PPP4R1: variants seen among roughly 807,000 people sequenced by gnomAD.
PPP4R1 encodes the protein protein phosphatase 4 regulatory subunit 1, also known as serine/threonine-protein phosphatase 4 regulatory subunit 1.
Under a neutral mutation model 111.2 loss-of-function variants are expected in PPP4R1, and 42 were observed. The observed-to-expected ratio is 0.38, with a 90% CI of 0.29 to 0.49. PPP4R1 has a LOEUF of 0.49. Among genes scored for constraint, PPP4R1 ranks in the 20% least tolerant of loss-of-function variants. The pLI, the probability that PPP4R1 is intolerant of heterozygous loss-of-function variation, is 0.97. For synonymous variants in PPP4R1, 409 were observed against 405.5 expected, an observed-to-expected ratio of 1.01 and a Z score of -0.10; for missense variants, 1,012 against 1,161.6, an observed-to-expected ratio of 0.87 and a Z score of 1.87.
At chr18:9,607,428 G>A (rs774961989) in intron 2 of PPP4R1, among the ~76,000 whole-genome samples, 2 of 151,670 alleles carry the variant, frequency 1.3e-5, no homozygotes, top group Admixed American at 6.6e-5. Flanking sequence ...GAGACATGAT[G>A]GTCCATCTGC....
chr18:9,553,388 T>TA lies in PPP4R1; in HGVS notation c.2224dup (p.Tyr742LeufsTer11), dbSNP rs2066519832. On this transcript the variant is annotated frameshift_variant, in exon 16 of 20. Transcript: ENST00000400556. LOFTEE classifies it high-confidence loss of function. ...TGTCACCAAAAACTCCTGAAGTTGA[T>TA]AAAGATATTCTCTTCTTTTGTCAAT... 1.3e-6 allele frequency: 2 copies of TA among 1,598,246 alleles called. No individual in the cohort carries two copies.
chr18:9,549,922 A>G (rs561695695), intron 18 of PPP4R1, 130 bp downstream of exon 18: 6 of 1,360,794 alleles, frequency 4.4e-6, no homozygotes, highest in Admixed American at 2.4e-5. Flanking sequence ...ATGATCCTAT[A>G]AACAGCCAGG....
chr18:9,607,449 G>A (rs1041035526), intron 2 of PPP4R1, among the ~76,000 whole-genome samples: 2 of 151,830 alleles, frequency 1.3e-5, no homozygotes, highest in Non-Finnish European at 2.9e-5. Context: ...CTTTGTATAT[G>A]TCTTAAGTAT....
intron 2 of PPP4R1, among the ~76,000 whole-genome samples, chr18:9,595,562 A>C (rs887932736): frequency 2.0e-5 from 3 of 152,222 alleles, no homozygotes; most frequent in African/African-American, 7.2e-5. Flanking sequence ...CACTTAATAG[A>C]AGAAAGCTAA....
chr18:9,584,582 T>G lies in PPP4R1; in HGVS notation c.694-2A>C. 6.2e-7 allele frequency: 1 copy of G among 1,611,052 alleles called. No individual in the cohort carries two copies. Among genetic ancestry groups the G allele is most frequent in the Non-Finnish European group, 8.5e-7 (1 of 1,178,976 alleles). On this transcript the variant is annotated splice_acceptor_variant, in intron 7 of 19. Coordinates refer to ENST00000400556, the MANE Select transcript of PPP4R1 (RefSeq NM_001042388.3). LOFTEE classifies it high-confidence loss of function. ...ATCTCCAAAATTGGCAGCACAGACC[T>G]GACAACAAAAGCATCATTGACATTT... is the stretch of plus-strand genomic sequence containing the variant.
At chr18:9,589,625 T>C (rs765595818) in intron 4 of PPP4R1, among the ~76,000 whole-genome samples, 1 of 151,980 alleles carries the variant, frequency 6.6e-6, no homozygotes, top group Non-Finnish European at 1.5e-5. Context: ...AACTTTATTA[T>C]AGGCTGGGTG....
In PPP4R1 at chr18:9,593,975, C is replaced by A. The variant is rs1477566636; in HGVS notation, c.189-101G>T. On this transcript the variant is annotated intron_variant, in intron 3 of 19. Transcript: ENST00000400556. ...AGGGCCTCATTCCTGTTGCCCAGGC[C>A]GGAGTGTAATGGTGTGATCACGGCT... The A allele has an allele frequency of 5.6e-6, 5 of 893,704 alleles. No homozygotes were observed. In the African/African-American group the frequency reaches 6.6e-5, roughly 12 times the overall value. The allele number at this position is 893,704 out of a possible 1,614,324, so 55.4% of individuals were successfully genotyped here.
intron 16 of PPP4R1, chr18:9,551,974 G>A (rs2066496683): frequency 6.6e-6 from 1 of 152,422 alleles, no homozygotes; most frequent in Admixed American, 6.5e-5. Context: ...CGCAAACCCA[G>A]CTTGACCCTG....
chr18:9,607,473 C>G (rs1012253638), intron 2 of PPP4R1, among the ~76,000 whole-genome samples: 1 of 151,504 alleles, frequency 6.6e-6, no homozygotes, highest in African/African-American at 2.4e-5. Flanking sequence ...TAATATATAA[C>G]GAACTCTCAA....
At chr18:9,594,550 G>T (rs2067261849) in intron 3 of PPP4R1, among the ~76,000 whole-genome samples, 1 of 152,086 alleles carries the variant, frequency 6.6e-6, no homozygotes, top group African/African-American at 2.4e-5. Context: ...CAAAAAATCT[G>T]AACCAAGACT....
Position 9,563,358 on chromosome 18 carries a change from C to A in PPP4R1, c.1746+20G>T. ...ATTCAAACTACTCTCATTTGGTAAA[C>A]ACTTTACTGAGTTTGTTACCTCAAC... On this transcript the variant is annotated intron_variant, in intron 12 of 19. Transcript: ENST00000400556. 6.3e-7 allele frequency: 1 copy of A among 1,586,752 alleles called. No individual in the cohort carries two copies. Among genetic ancestry groups the A allele is most frequent in the Non-Finnish European group, 8.6e-7 (1 of 1,163,392 alleles).
intron 6 of PPP4R1, among the ~76,000 whole-genome samples, chr18:9,586,002 C>G (rs1425394562): frequency 6.6e-6 from 1 of 152,104 alleles, no homozygotes; most frequent in Non-Finnish European, 1.5e-5. Context: ...ACGCCTACAT[C>G]TCCTAAATCC....
chr18:9,570,330 T>A lies in PPP4R1; in HGVS notation c.1400A>T (p.Asp467Val), dbSNP rs749274377. 3 of 1,611,940 alleles carry A rather than the reference T, an allele frequency of 1.9e-6. No individual in the cohort carries two copies. The Admixed American group carries it at 5.0e-5, about 27-fold the overall frequency. ...HFWRTPLPEI[D>V]LDIELEQNSG... ...GTTCTGTTCAAGCTCTATGTCTAGA[T>A]CTATTTCAGGAAGAGGAGTCCTCCA... Residue 467 changes from aspartate to valine, a missense_variant, in exon 11 of 20, where the codon GAT becomes GTT. This residue lies in a region of PPP4R1 where 707 missense variants were observed against 742.1 expected (regional missense o/e 0.95). Coordinates refer to ENST00000400556, the MANE Select transcript of PPP4R1 (RefSeq NM_001042388.3).
chr18:9,613,010 CATT>C (rs2067608757), intron 2 of PPP4R1, among the ~76,000 whole-genome samples: 1 of 152,222 alleles, frequency 6.6e-6, no homozygotes, highest in African/African-American at 2.4e-5. Flanking sequence ...AAGGGAACCA[CATT>C]AGACAATGCT....
chr18:9,561,094 C>T (rs1273503331), intron 13 of PPP4R1, among the ~76,000 whole-genome samples: 1 of 151,292 alleles, frequency 6.6e-6, no homozygotes. Context: ...TGGCTCGCAA[C>T]TGTAGTCCCA....
At position 9,546,896 on chromosome 18, in the gene PPP4R1, G is replaced by A. The variant is rs907645063; in HGVS notation, c.*893C>T. 3 of 152,184 alleles carry A rather than the reference G, an allele frequency of 2.0e-5. No homozygotes were observed. Among genetic ancestry groups the A allele is most frequent in the African/African-American group, 7.2e-5 (3 of 41,436 alleles). The allele number at this position is 152,184 out of a possible 1,614,324, so 9.4% of individuals were successfully genotyped here. ...AGACATCTAGAAAACAATCAAAAGT[G>A]TATATATCTCTCTCTATAGATCTTA... On this transcript the variant is annotated 3_prime_UTR_variant, in exon 20 of 20. Transcript: ENST00000400556.
intron 19 of PPP4R1, among the ~76,000 whole-genome samples, chr18:9,548,459 T>C (rs2144950634): frequency 6.6e-6 from 1 of 152,244 alleles, no homozygotes; most frequent in South Asian, 2.1e-4. Context: ...GAAGAGATTA[T>C]AATTTCCAAC....
Position 9,547,950 on chromosome 18 carries a change from A to C in PPP4R1, c.2692T>G (p.Tyr898Asp). ...TLRQTLLEKD[Y>D]FLASASCHQE... ...TGGCAGCTGGCAGAGGCCAAGAAAT[A>C]GTCTGGAAATGACATGTGCATAGGA... Residue 898 changes from tyrosine to aspartate, a missense_variant and splice_region_variant, in exon 20 of 20, where the codon TAT becomes GAT. Physicochemically the swap from Tyr to Asp is radical, Grantham distance 160. Transcript: ENST00000400556. 6.2e-7 allele frequency: 1 copy of C among 1,613,942 alleles called. No individual in the cohort carries two copies. The highest frequency in any genetic ancestry group is 2.2e-5 in the East Asian group (1 of 44,888).
chr18:9,548,981 A>G (rs2066444957), intron 19 of PPP4R1, among the ~76,000 whole-genome samples: 1 of 152,266 alleles, frequency 6.6e-6, no homozygotes, highest in South Asian at 2.1e-4. Context: ...GCTTCCGATA[A>G]ATAAACTCCA....
Sources: allele counts gnomAD v4.1 joint callset (sites outside exome capture counted in the v4.1 genomes callset), GRCh38; gene constraint gnomAD v4.1.1; regional missense constraint gnomAD v4.1.1; transcripts MANE v1.5; gene names NCBI Gene and HGNC (gene_info 2026-07-23, HGNC 2026-07-21).